The following FGF14 variants were observed in gnomAD, a reference collection of about 807,000 sequenced individuals.
FGF14 encodes fibroblast growth factor homologous factor 4.
Under a neutral mutation model 25.5 loss-of-function variants are expected in FGF14, and 5 were observed. The ratio of observed to expected loss-of-function variants is 0.20; its 90% CI spans 0.10 to 0.41. The LOEUF is 0.41. FGF14 is among the 10% of genes least tolerant of loss of function. The pLI is 1.00. For synonymous variants in FGF14, 138 were observed against 118.3 expected, an observed-to-expected ratio of 1.17 and a Z score of -1.08; for missense variants, 222 against 320.1, an observed-to-expected ratio of 0.69 and a Z score of 2.34.
chr13:101,967,427 G>C (rs1444949228), intron 1 of FGF14, among the ~76,000 whole-genome samples: 2 of 152,190 alleles, frequency 1.3e-5, no homozygotes, highest in Non-Finnish European at 2.9e-5. Context: ...ACCAATATCA[G>C]TTTCTGCAGT....
chr13:102,376,243 A>G (rs1280662023), intron 1 of FGF14, among the ~76,000 whole-genome samples: 3 of 152,068 alleles, frequency 2.0e-5, no homozygotes, highest in African/African-American at 4.8e-5. Flanking sequence ...CGGTTTATAC[A>G]TGGCAGTTTC....
At chr13:102,237,634 T>C (rs1016107878) in intron 1 of FGF14, among the ~76,000 whole-genome samples, 2 of 149,050 alleles carry the variant, frequency 1.3e-5, no homozygotes, top group East Asian at 3.9e-4. Flanking sequence ...AAGCTAAAAA[T>C]TTTTTGATAT....
Position 101,716,942 on chromosome 13 carries a change from C to T in FGF14, c.*5889G>A, listed in dbSNP as rs2034747742. The T allele has an allele frequency of 6.6e-6, 1 of 151,806 alleles. No homozygotes were observed. The highest frequency in any genetic ancestry group is 2.4e-5 in the African/African-American group (1 of 41,390). 9.4% of individuals were successfully genotyped at this position (151,806 alleles called of 1,614,324 possible). A position where few individuals can be genotyped will look rare whatever the true frequency, so the allele number is the denominator to read the frequency against. On this transcript the variant is annotated 3_prime_UTR_variant, in exon 5 of 5. Coordinates refer to ENST00000376143, the MANE Select transcript of FGF14 (RefSeq NM_004115.4). ...GAAAGTGTACAATAATTGGGACTTC[C>T]CTTACATATTTACAGGTAAATCTAC... is the stretch of plus-strand genomic sequence containing the variant.
At chr13:101,857,382 G>C (rs2044179864) in intron 3 of FGF14, among the ~76,000 whole-genome samples, 1 of 151,950 alleles carries the variant, frequency 6.6e-6, no homozygotes, top group South Asian at 2.1e-4. Flanking sequence ...TATGGGCTGG[G>C]ACATGTTTAT....
At chr13:101,857,078 C>T (rs931664362) in intron 3 of FGF14, among the ~76,000 whole-genome samples, 1 of 151,960 alleles carries the variant, frequency 6.6e-6, no homozygotes, top group Admixed American at 6.6e-5. Flanking sequence ...TATTTCATAA[C>T]ATCAACAGAT....
chr13:102,148,312 T>C (rs905441610), intron 1 of FGF14, among the ~76,000 whole-genome samples: 20 of 152,222 alleles, frequency 1.3e-4, no homozygotes, highest in African/African-American at 4.6e-4. Flanking sequence ...AATTGTTGTA[T>C]TGATTATATA....
At chr13:102,357,117 T>C (rs894874383) in intron 1 of FGF14, among the ~76,000 whole-genome samples, 9 of 67,618 alleles carry the variant, frequency 1.3e-4, no homozygotes, top group Non-Finnish European at 2.2e-4. Context: ...CTACTTCCAT[T>C]ATAATGTTTT....
chr13:102,205,619 C>T (rs2049870754), intron 1 of FGF14, among the ~76,000 whole-genome samples: 2 of 150,898 alleles, frequency 1.3e-5, no homozygotes, highest in Non-Finnish European at 2.9e-5. Flanking sequence ...ATATATTCTC[C>T]AAAGGGAAAG....
At chr13:101,766,284 C>T (rs1311087245) in intron 3 of FGF14, among the ~76,000 whole-genome samples, 1 of 152,140 alleles carries the variant, frequency 6.6e-6, no homozygotes, top group Non-Finnish European at 1.5e-5. Flanking sequence ...TCCATGGAGG[C>T]AGAAGTCACA....
intron 1 of FGF14, chr13:102,046,028 G>A (rs1361874695): frequency 6.5e-6 from 1 of 154,236 alleles, no homozygotes; most frequent in Non-Finnish European, 1.5e-5. Flanking sequence ...GTAAATCCTT[G>A]GCATGTTCTT....
intron 1 of FGF14, among the ~76,000 whole-genome samples, chr13:101,951,586 A>G (rs1435602595): frequency 2.0e-5 from 3 of 152,164 alleles, no homozygotes; most frequent in Admixed American, 2.0e-4. Context: ...GTTTCTTTAA[A>G]AGGGATGAAT....
intron 3 of FGF14, among the ~76,000 whole-genome samples, chr13:101,789,060 A>C (rs1474784821): frequency 2.7e-5 from 4 of 150,424 alleles, no homozygotes; most frequent in African/African-American, 7.3e-5. Flanking sequence ...TGGTTTTCCA[A>C]ATCTTTCTTC....
At chr13:101,943,654 C>A (rs533154183) in intron 1 of FGF14, among the ~76,000 whole-genome samples, 1 of 152,082 alleles carries the variant, frequency 6.6e-6, no homozygotes, top group Admixed American at 6.5e-5. Context: ...GCACAAACTC[C>A]GTAAGCCTCT....
chr13:102,141,790 G>A (rs910401385), intron 1 of FGF14, among the ~76,000 whole-genome samples: 3 of 152,168 alleles, frequency 2.0e-5, no homozygotes, highest in Non-Finnish European at 2.9e-5. Context: ...CTGACTTACT[G>A]CATAAATTTA....
chr13:102,073,230 T>G (rs2140159727), intron 1 of FGF14, among the ~76,000 whole-genome samples: 1 of 152,264 alleles, frequency 6.6e-6, no homozygotes, highest in South Asian at 2.1e-4. Flanking sequence ...CCAGTCTGGG[T>G]GACAGAGCAA....
chr13:101,874,642 T>G, intron 2 of FGF14, among the ~76,000 whole-genome samples: 1 of 152,152 alleles, frequency 6.6e-6, no homozygotes, highest in Non-Finnish European at 1.5e-5. Flanking sequence ...CAGATGCAAT[T>G]CTGCAAACAC....
chr13:102,235,977 GT>G (rs2051310189), intron 1 of FGF14, among the ~76,000 whole-genome samples: 1 of 152,232 alleles, frequency 6.6e-6, no homozygotes, highest in African/African-American at 2.4e-5. Flanking sequence ...TTAAGAATTA[GT>G]TTTGCTTTAA....
At chr13:102,123,244 G>A (rs1289489136) in intron 1 of FGF14, among the ~76,000 whole-genome samples, 2 of 152,102 alleles carry the variant, frequency 1.3e-5, no homozygotes, top group African/African-American at 4.8e-5. Flanking sequence ...GTCATATGCA[G>A]CCAACAATGT....
chr13:101,896,951 T>C (rs982362023), intron 1 of FGF14, among the ~76,000 whole-genome samples: 1 of 152,074 alleles, frequency 6.6e-6, no homozygotes, highest in African/African-American at 2.4e-5. Flanking sequence ...AGGCAAGACA[T>C]AAGAAAATAT....
Sources: gnomAD v4.1 joint callset for allele counts (sites outside exome capture counted in the v4.1 genomes callset) on GRCh38, gnomAD v4.1.1 for gene constraint, MANE v1.5 for transcripts, NCBI Gene and HGNC (gene_info 2026-07-23, HGNC 2026-07-21) for gene names.